CADPS: variants seen among roughly 807,000 people sequenced by gnomAD.
The protein encoded by CADPS is calcium dependent secretion activator.
In CADPS, 57 loss-of-function variants were observed where a neutral mutation model predicts 167.3. That is an observed-to-expected ratio of 0.34 (90% CI 0.28 to 0.42). CADPS has a LOEUF of 0.42. Ranked by LOEUF, CADPS falls within the 20% of genes least tolerant of loss-of-function variation. CADPS has a pLI of 1.00. For synonymous variants in CADPS, 676 were observed against 635.3 expected (o/e 1.06, Z -0.96); for missense variants, 1,414 against 1,738.1 (o/e 0.81, Z 3.32).
chr3:62,801,874 A>G (rs960159259), intron 1 of CADPS, among the ~76,000 whole-genome samples: 1 of 152,186 alleles, frequency 6.6e-6, no homozygotes, highest in African/African-American at 2.4e-5. Context: ...CTACTGTTGT[A>G]ATCATTGAGC....
In CADPS at chr3:62,650,509, C is replaced by T. The variant is rs922405100; in HGVS notation, c.1203+338G>A. 3.9e-5 allele frequency among the ~76,000 whole-genome samples: 6 copies of T among 152,280 alleles called. No homozygotes were observed. The South Asian group carries it at 1.2e-3, about 32-fold the overall frequency. On this transcript the variant is annotated intron_variant, in intron 5 of 29. Coordinates refer to ENST00000383710, the MANE Select transcript of CADPS (RefSeq NM_003716.4). ...ATTTACAGCTCACCACAATATGATG[C>T]TAGCTTGCCTCTCTTATAACTGTAA... is the stretch of plus-strand genomic sequence containing the variant.
chr3:62,749,208 G>C (rs138583449), intron 3 of CADPS, among the ~76,000 whole-genome samples: 2,899 of 152,304 alleles, frequency 0.019, 48 homozygotes, highest in South Asian at 0.059. Flanking sequence ...GGCAAATTCA[G>C]AGACATTTGT....
chr3:62,863,866 G>A (rs1577544379), intron 1 of CADPS, among the ~76,000 whole-genome samples: 1 of 152,118 alleles, frequency 6.6e-6, no homozygotes, highest in Admixed American at 6.6e-5. Context: ...CCACTGGGTG[G>A]CCATTCACAG....
chr3:62,672,536 G>A (rs1187333703), intron 3 of CADPS, among the ~76,000 whole-genome samples: 2 of 152,182 alleles, frequency 1.3e-5, no homozygotes, highest in Admixed American at 6.5e-5. Flanking sequence ...TGTTCTCTAC[G>A]CTCAGACCAT....
chr3:62,485,231 GAAA>G (rs1167854527), intron 21 of CADPS, among the ~76,000 whole-genome samples: 1 of 144,138 alleles, frequency 6.9e-6, no homozygotes, highest in Non-Finnish European at 1.5e-5. Context: ...ATCATCTACA[GAAA>G]AAAAAAAAAT....
chr3:62,718,960 A>C (rs988502896), intron 3 of CADPS, among the ~76,000 whole-genome samples: 1 of 152,218 alleles, frequency 6.6e-6, no homozygotes, highest in African/African-American at 2.4e-5. Flanking sequence ...CAGGTAAAGT[A>C]TGGACCTGTG....
rs141929064 is a variant in CADPS at position 62,734,165 on chromosome 3, G to T, written c.888+19276C>A. ...GCGAGCTTTATGGGCACAGTTTGAC[G>T]AATTTTTACCTATGTACCCATTCAT... On this transcript the variant is annotated intron_variant, in intron 3 of 29. Coordinates refer to ENST00000383710, the MANE Select transcript of CADPS (RefSeq NM_003716.4). Among the ~76,000 whole-genome samples, 230 of 152,214 alleles carry T rather than the reference G, an allele frequency of 1.5e-3. 1 individual carries two copies. Among genetic ancestry groups the T allele is most frequent in the African/African-American group, 5.3e-3 (221 of 41,548 alleles).
intron 3 of CADPS, among the ~76,000 whole-genome samples, chr3:62,712,109 T>C (rs1426728093): frequency 6.6e-6 from 1 of 152,256 alleles, no homozygotes; most frequent in Non-Finnish European, 1.5e-5. Context: ...AACAACTTAA[T>C]TGATGGCATT....
At position 62,779,601 on chromosome 3, in the gene CADPS, T is replaced by C. The variant is rs79878274; in HGVS notation, c.442-13617A>G. On this transcript the variant is annotated intron_variant, in intron 1 of 29. Transcript: ENST00000383710. The stretch of plus-strand genomic sequence containing the variant: ...ATTCTGCTGGGCACTGTGTGGAAAC[T>C]TGAGGATGAAATCAGTGAGCTGCAT... 1,469 of 534,508 alleles carry C rather than the reference T, an allele frequency of 2.7e-3. 21 individuals carry two copies. The highest frequency in any genetic ancestry group is 0.026 in the African/African-American group (1,328 of 51,992). The allele number at this position is 534,508 out of a possible 1,614,324, so 33.1% of individuals were successfully genotyped here.
intron 17 of CADPS, among the ~76,000 whole-genome samples, chr3:62,506,927 A>C (rs1006383147): frequency 3.9e-5 from 6 of 152,352 alleles, no homozygotes; most frequent in Admixed American, 3.3e-4. Context: ...CATTAGCTCC[A>C]GTCACATTAA....
intron 3 of CADPS, among the ~76,000 whole-genome samples, chr3:62,675,700 A>G (rs1362909528): frequency 6.6e-6 from 1 of 152,162 alleles, no homozygotes; most frequent in African/African-American, 2.4e-5. Flanking sequence ...ATGTACCTAC[A>G]AGTTCCCAGC....
intron 18 of CADPS, among the ~76,000 whole-genome samples, chr3:62,497,147 C>T (rs1051490440): frequency 4.6e-5 from 7 of 152,082 alleles, no homozygotes; most frequent in South Asian, 2.1e-4. Flanking sequence ...AAAAGTGAAA[C>T]GTGCCTTGTT....
At chr3:62,721,817 C>T (rs35473222) in intron 3 of CADPS, among the ~76,000 whole-genome samples, 33,191 of 151,918 alleles carry the variant, frequency 0.22, 3,971 homozygotes, top group African/African-American at 0.3. Flanking sequence ...ATTTTAAATC[C>T]GCATTTTGCA....
At chr3:62,437,065 A>AG (rs1416647889) in intron 28 of CADPS, among the ~76,000 whole-genome samples, 2 of 151,812 alleles carry the variant, frequency 1.3e-5, no homozygotes, top group Non-Finnish European at 2.9e-5. Flanking sequence ...AAAAAAAAAA[A>AG]TAGAAACATG....
chr3:62,457,255 C>T (rs973563113), intron 26 of CADPS, among the ~76,000 whole-genome samples: 1 of 152,134 alleles, frequency 6.6e-6, no homozygotes, highest in Non-Finnish European at 1.5e-5. Context: ...TTATTGTTCC[C>T]ATTTTACAGA....
At position 62,438,901 on chromosome 3, in the gene CADPS, G is replaced by A. The variant is rs1456158277; in HGVS notation, c.3670-690C>T. 1 of 152,130 alleles carries A rather than the reference G, an allele frequency of 6.6e-6. No homozygotes were observed. The highest frequency in any genetic ancestry group is 1.5e-5 in the Non-Finnish European group (1 of 68,056). 9.4% of individuals were successfully genotyped at this position (152,130 alleles called of 1,614,324 possible). A position where few individuals can be genotyped will look rare whatever the true frequency, so the allele number is the denominator to read the frequency against. On this transcript the variant is annotated intron_variant, in intron 27 of 29. Coordinates refer to ENST00000383710, the MANE Select transcript of CADPS (RefSeq NM_003716.4). This position sits in a 1 kb window ranked among gnomAD's most constrained non-coding sequence, Gnocchi z 4.7. ...AGAAGAAGAGAAGAAACAAAAGGCA[G>A]GGGAAGGAGGAGAGGATTTGATTTT...
intron 6 of CADPS, among the ~76,000 whole-genome samples, chr3:62,639,557 C>T (rs943549129): frequency 8.5e-5 from 13 of 152,160 alleles, no homozygotes; most frequent in Admixed American, 8.5e-4. Context: ...CTGTGTTATT[C>T]CCCACTCTAA....
intron 1 of CADPS, among the ~76,000 whole-genome samples, chr3:62,769,798 C>T (rs1039384311): frequency 6.6e-6 from 1 of 152,142 alleles, no homozygotes; most frequent in Admixed American, 6.5e-5. Flanking sequence ...CCAAGAGACA[C>T]AGGTTCAAGT....
chr3:62,454,762 A>G (rs1476284555), intron 26 of CADPS, among the ~76,000 whole-genome samples: 1 of 152,150 alleles, frequency 6.6e-6, no homozygotes, highest in Non-Finnish European at 1.5e-5. Flanking sequence ...CCTGCAAAGC[A>G]TCCTTAGGCA....
Sources: allele counts gnomAD v4.1 joint callset (sites outside exome capture counted in the v4.1 genomes callset), GRCh38; gene constraint gnomAD v4.1.1; non-coding constraint Gnocchi (gnomAD v3.1); transcripts MANE v1.5; gene names NCBI Gene and HGNC (gene_info 2026-07-23, HGNC 2026-07-21).